BRINP3: variants seen among roughly 807,000 people sequenced by gnomAD.
BRINP3 encodes BMP/retinoic acid-inducible neural-specific protein 3.
BRINP3 carries 19 observed loss-of-function variants against 71.0 expected under a neutral mutation model. The ratio of observed to expected loss-of-function variants is 0.27; its 90% CI spans 0.19 to 0.39. BRINP3 has a LOEUF of 0.39. BRINP3 is among the 10% of genes least tolerant of loss of function. BRINP3 has a pLI of 1.00. For synonymous variants in BRINP3, 380 were observed against 337.7 expected (o/e 1.13, Z -1.37); for missense variants, 959 against 940.8 (o/e 1.02, Z -0.25).
At chr1:190,306,919 C>T (rs12045010) in intron 2 of BRINP3, among the ~76,000 whole-genome samples, 31,364 of 151,800 alleles carry the variant, frequency 0.21, 3,679 homozygotes, top group Middle Eastern at 0.3. Flanking sequence ...TACAATTGTT[C>T]AAATTTTATA....
At chr1:190,111,283 T>G (rs1167824432) in intron 7 of BRINP3, among the ~76,000 whole-genome samples, 1 of 151,400 alleles carries the variant, frequency 6.6e-6, no homozygotes, top group Non-Finnish European at 1.5e-5. Flanking sequence ...ATTTAAACAG[T>G]TTACTCAAAA....
At chr1:190,180,314 T>C (rs1652916825) in intron 6 of BRINP3, among the ~76,000 whole-genome samples, 1 of 152,106 alleles carries the variant, frequency 6.6e-6, no homozygotes, top group South Asian at 2.1e-4. Flanking sequence ...ATTCAGAATC[T>C]TTATTCCTCC....
intron 4 of BRINP3, among the ~76,000 whole-genome samples, chr1:190,263,660 G>A (rs994588387): frequency 1.4e-5 from 2 of 141,382 alleles, no homozygotes; most frequent in South Asian, 4.4e-4. Context: ...TGTGATCTCC[G>A]CTCACTGCAA....
At chr1:190,178,282 T>C (rs1391906518) in intron 6 of BRINP3, among the ~76,000 whole-genome samples, 3 of 152,172 alleles carry the variant, frequency 2.0e-5, no homozygotes, top group Non-Finnish European at 2.9e-5. Context: ...GTACACAATA[T>C]GTTTCTCTGG....
At chr1:190,440,073 T>C (rs747931941) in intron 2 of BRINP3, among the ~76,000 whole-genome samples, 17 of 152,090 alleles carry the variant, frequency 1.1e-4, no homozygotes, top group Non-Finnish European at 1.6e-4. Context: ...AATGTATTCA[T>C]TGATTGTATA....
chr1:190,152,780 T>A (rs1656529272), intron 7 of BRINP3, among the ~76,000 whole-genome samples: 1 of 152,012 alleles, frequency 6.6e-6, no homozygotes, highest in Admixed American at 6.6e-5. Flanking sequence ...TAATTTTATT[T>A]TATCATTATA....
chr1:190,111,466 A>G (rs1571727575), intron 7 of BRINP3, among the ~76,000 whole-genome samples: 1 of 152,298 alleles, frequency 6.6e-6, no homozygotes, highest in South Asian at 2.1e-4. Flanking sequence ...TGCCTATCCA[A>G]TATTCACAGG....
intron 6 of BRINP3, among the ~76,000 whole-genome samples, chr1:190,162,465 T>A (rs1651092864): frequency 6.6e-6 from 1 of 150,514 alleles, no homozygotes; most frequent in African/African-American, 2.4e-5. Flanking sequence ...TTTGATCATA[T>A]CCTATATTTT....
chr1:190,240,804 G>A (rs1376540879), intron 4 of BRINP3, among the ~76,000 whole-genome samples: 4 of 146,220 alleles, frequency 2.7e-5, no homozygotes, highest in South Asian at 2.2e-4. Context: ...CCTGGGAGGC[G>A]GAGATTGCAG....
rs191817532 is a variant in BRINP3, at chr1:190,458,055, T to C, written c.-50-3115A>G. On this transcript the variant is annotated intron_variant, in intron 1 of 7. Coordinates refer to ENST00000367462, the MANE Select transcript of BRINP3 (RefSeq NM_199051.3). ...TAACATATGGGAAGATAGAAAGGTT[T>C]TCTTTAATTTTGTGCAGAGAACTAC... Among the ~76,000 whole-genome samples the C allele has an allele frequency of 2.8e-3, 432 of 152,260 alleles. 2 individuals carry two copies. The highest frequency in any genetic ancestry group is 9.8e-3 in the African/African-American group (409 of 41,562).
intron 1 of BRINP3, chr1:190,474,326 C>T (rs1677356288): frequency 6.6e-6 from 1 of 152,574 alleles, no homozygotes; most frequent in South Asian, 2.1e-4. Context: ...TGCATATATT[C>T]CATTGCTTGC....
intron 5 of BRINP3, among the ~76,000 whole-genome samples, chr1:190,231,712 T>C (rs766181805): frequency 1.3e-5 from 2 of 151,890 alleles, no homozygotes; most frequent in Non-Finnish European, 2.9e-5. Flanking sequence ...GTTGTAGCTA[T>C]GGCTCTTTTA....
chr1:190,182,904 A>T (rs1653153547), intron 6 of BRINP3, among the ~76,000 whole-genome samples: 1 of 152,130 alleles, frequency 6.6e-6, no homozygotes, highest in Admixed American at 6.6e-5. Flanking sequence ...TGACTTTAAA[A>T]TGTATCAATT....
chr1:190,146,564 G>A (rs1655905785), intron 7 of BRINP3, among the ~76,000 whole-genome samples: 1 of 151,996 alleles, frequency 6.6e-6, no homozygotes, highest in Non-Finnish European at 1.5e-5. Context: ...AATAAATGCT[G>A]AGACTTTACA....
At chr1:190,255,990 A>G (rs1396301342) in intron 4 of BRINP3, among the ~76,000 whole-genome samples, 1 of 152,220 alleles carries the variant, frequency 6.6e-6, no homozygotes, top group Non-Finnish European at 1.5e-5. Context: ...TTGGTTTCAA[A>G]TAACATCTTT....
intron 2 of BRINP3, among the ~76,000 whole-genome samples, chr1:190,401,815 A>G (rs932518403): frequency 1.3e-5 from 2 of 152,178 alleles, no homozygotes; most frequent in Non-Finnish European, 2.9e-5. Context: ...TTATTTTTAA[A>G]TAAATTTTTA....
chr1:190,388,492 G>A (rs1558242181), intron 2 of BRINP3, among the ~76,000 whole-genome samples: 1 of 151,758 alleles, frequency 6.6e-6, no homozygotes. Context: ...GAGAGTGAAT[G>A]CCATGTTATG....
intron 2 of BRINP3, among the ~76,000 whole-genome samples, chr1:190,393,344 GATAATGGC>G (rs1671370933): frequency 6.6e-6 from 1 of 151,572 alleles, no homozygotes; most frequent in African/African-American, 2.4e-5. Context: ...TTGATTGATT[GATAATGGC>G]CTTCTGCCTT....
intron 2 of BRINP3, among the ~76,000 whole-genome samples, chr1:190,365,483 T>G (rs1443962896): frequency 4.0e-5 from 6 of 149,732 alleles, no homozygotes; most frequent in Non-Finnish European, 8.9e-5. Flanking sequence ...ATTATAATAT[T>G]AATTATAATG....
Sources: gnomAD v4.1 joint callset for allele counts (sites outside exome capture counted in the v4.1 genomes callset) on GRCh38, gnomAD v4.1.1 for gene constraint, MANE v1.5 for transcripts, NCBI Gene and HGNC (gene_info 2026-07-23, HGNC 2026-07-21) for gene names.